The following CPLX1 variants were observed in gnomAD, a reference collection of about 807,000 sequenced individuals.
CPLX1 encodes complexin-1.
CPLX1 carries 6 observed loss-of-function variants against 15.6 expected under a neutral mutation model. The ratio of observed to expected loss-of-function variants is 0.39; its 90% confidence interval spans 0.21 to 0.76. The LOEUF (loss-of-function observed/expected upper bound fraction) is 0.76, where lower values mean the gene tolerates loss of function less well. CPLX1 is among the 30% of genes least tolerant of loss of function. The pLI is 0.43. For synonymous variants in CPLX1, 91 were observed against 75.2 expected, an observed-to-expected ratio of 1.21 and a Z score of -1.08; for missense variants, 242 against 188.6, an observed-to-expected ratio of 1.28 and a Z score of -1.66.
intron 2 of CPLX1, among the ~76,000 whole-genome samples, chr4:794,150 T>A (rs1746266134): frequency 6.6e-6 from 1 of 152,264 alleles, no homozygotes; most frequent in Admixed American, 6.5e-5. Flanking sequence ...AGCTGTCATT[T>A]GGAAGGCCCG....
chr4:788,689 G>A (rs987543792), intron 3 of CPLX1, among the ~76,000 whole-genome samples: 3 of 152,230 alleles, frequency 2.0e-5, no homozygotes, highest in Non-Finnish European at 2.9e-5. Flanking sequence ...GAGGGAGCAT[G>A]TGCTCTTCGT....
chr4:807,130 A>C (rs552404967), intron 2 of CPLX1, among the ~76,000 whole-genome samples: 4 of 152,262 alleles, frequency 2.6e-5, no homozygotes, highest in Non-Finnish European at 5.9e-5. Flanking sequence ...TACAACATGG[A>C]ATACTACACA....
At position 812,866 on chromosome 4, in the gene CPLX1, C is replaced by T. The variant is rs374200330; in HGVS notation, c.31+11626G>A. ...GTCCTAACGCTGGCCGTCCTAATGCCAGGCACCCTTACAAATGATAGTGTA... is the reference window on the plus strand; with the variant it reads ...GTCCTAACGCTGGCCGTCCTAATGCTAGGCACCCTTACAAATGATAGTGTA... On this transcript the variant is annotated intron_variant, in intron 2 of 3. Coordinates refer to ENST00000304062, the MANE Select transcript of CPLX1 (RefSeq NM_006651.4). Among the ~76,000 whole-genome samples, 305 of 152,282 alleles carry T rather than the reference C, an allele frequency of 2.0e-3. 8 individuals carry two copies. In the South Asian group the frequency reaches 0.06, roughly 30 times the overall value.
intron 2 of CPLX1, 70 bp downstream of exon 2, chr4:824,422 G>A: frequency 7.2e-7 from 1 of 1,396,940 alleles, no homozygotes; most frequent in Non-Finnish European, 1.0e-6. Flanking sequence ...TGGGCCAGAT[G>A]AGGAGCAGCT....
intron 2 of CPLX1, among the ~76,000 whole-genome samples, chr4:816,921 C>A (rs909663943): frequency 5.3e-5 from 8 of 152,192 alleles, no homozygotes; most frequent in African/African-American, 1.9e-4. Context: ...TACACTGCAT[C>A]ATTTTCAACT....
chr4:798,715 C>T (rs1233153885), intron 2 of CPLX1, among the ~76,000 whole-genome samples: 3 of 152,268 alleles, frequency 2.0e-5, no homozygotes, highest in Admixed American at 1.3e-4. Flanking sequence ...CTTTCAGAAG[C>T]GCACTGGCTC....
intron 2 of CPLX1, among the ~76,000 whole-genome samples, chr4:803,626 C>G (rs1250058795): frequency 6.6e-6 from 1 of 151,236 alleles, no homozygotes; most frequent in African/African-American, 2.4e-5. Context: ...ACCTCGTGAT[C>G]TGCCCGCCTC....
intron 3 of CPLX1, chr4:787,682 G>A (rs1436791367): frequency 2.0e-6 from 2 of 984,938 alleles, no homozygotes; most frequent in African/African-American, 1.7e-5. Flanking sequence ...CAGAGGGAGT[G>A]TGGGATTTTG....
At chr4:787,519 G>A in intron 3 of CPLX1, 1 of 643,194 alleles carries the variant, frequency 1.6e-6, no homozygotes, top group Non-Finnish European at 1.9e-6. Context: ...CTCAAGTCCA[G>A]TGAGAGTGTC....
chr4:802,645 A>C (rs904454411), intron 2 of CPLX1, among the ~76,000 whole-genome samples: 4 of 152,228 alleles, frequency 2.6e-5, no homozygotes, highest in African/African-American at 9.6e-5. Context: ...ATAAAAACTG[A>C]AAGTGTAAAA....
rs1338068923 is a variant in CPLX1, at chr4:824,598, CT to C, written c.-77del. 1 of 1,520,244 alleles carries C rather than the reference CT, an allele frequency of 6.6e-7. No homozygotes were observed. Among genetic ancestry groups the C allele is most frequent in the Non-Finnish European group, 9.1e-7 (1 of 1,096,084 alleles). The allele number at this position is 1,520,244 out of a possible 1,614,324, so 94.2% of individuals were successfully genotyped here. ...GCAAGTATGGCCGGGAGCGAGTGTT[CT>C]TCCTGGGGGAGAGTGAAGTGGTCAC... On this transcript the variant is annotated splice_region_variant and 5_prime_UTR_variant, in exon 2 of 4. Coordinates refer to ENST00000304062, the MANE Select transcript of CPLX1 (RefSeq NM_006651.4).
At chr4:812,563 T>C (rs1746682910) in intron 2 of CPLX1, among the ~76,000 whole-genome samples, 1 of 152,202 alleles carries the variant, frequency 6.6e-6, no homozygotes, top group African/African-American at 2.4e-5. Context: ...GGGGAAATTA[T>C]CTTCAGACAG....
In CPLX1 at chr4:785,167, G is replaced by A. The variant is rs1745941201; in HGVS notation, c.*1334C>T. 1 of 152,344 alleles carries A rather than the reference G, an allele frequency of 6.6e-6. No individual in the cohort carries two copies. The highest frequency in any genetic ancestry group is 2.4e-5 in the African/African-American group (1 of 41,468). 9.4% of individuals were successfully genotyped at this position (152,344 alleles called of 1,614,324 possible). On this transcript the variant is annotated 3_prime_UTR_variant, in exon 4 of 4. Transcript: ENST00000304062. ...GTCTGCTCAGAGCTGGCTTTGTAAG[G>A]TGTGAAAACAGGAGTTTTTAAAAGA...
chr4:786,716 G>T lies in CPLX1; in HGVS notation c.208-18C>A. Reference sequence around the variant, plus strand: ...ATGCCGTACTGCGGGGGAGGCGGGGGTCAGGGCGGGGGTCCCGGCGGCTCC... The same window carrying T: ...ATGCCGTACTGCGGGGGAGGCGGGGTTCAGGGCGGGGGTCCCGGCGGCTCC... On this transcript the variant is annotated intron_variant, in intron 3 of 3. Transcript: ENST00000304062. 6.3e-7 allele frequency: 1 copy of T among 1,577,994 alleles called. No individual in the cohort carries two copies. Among genetic ancestry groups the T allele is most frequent in the South Asian group, 1.2e-5 (1 of 86,534 alleles).
intron 2 of CPLX1, among the ~76,000 whole-genome samples, chr4:805,083 C>T (rs754205760): frequency 2.6e-5 from 4 of 152,194 alleles, no homozygotes; most frequent in South Asian, 2.1e-4. Flanking sequence ...ATATCTTGGG[C>T]GTGTGGCCAT....
At chr4:794,746 G>A (rs913230798) in intron 2 of CPLX1, among the ~76,000 whole-genome samples, 5 of 152,236 alleles carry the variant, frequency 3.3e-5, no homozygotes, top group African/African-American at 1.2e-4. Context: ...AAGGAGGTGG[G>A]TGAGCCTGGT....
Position 785,981 on chromosome 4 carries a change from G to C in CPLX1, c.*520C>G, listed in dbSNP as rs1745971903. ...CGGACAGAGACGGATGGACAGGGGC[G>C]CGAGGGGGCCAGGCCGGGGGGCGGA... On this transcript the variant is annotated 3_prime_UTR_variant, in exon 4 of 4. Coordinates refer to ENST00000304062, the MANE Select transcript of CPLX1 (RefSeq NM_006651.4). 1 of 152,210 alleles carries C rather than the reference G, an allele frequency of 6.6e-6. No individual in the cohort carries two copies. The allele number at this position is 152,210 out of a possible 1,614,324, so 9.4% of individuals were successfully genotyped here.
intron 2 of CPLX1, among the ~76,000 whole-genome samples, chr4:815,864 T>G (rs905203202): frequency 6.6e-6 from 1 of 152,194 alleles, no homozygotes; most frequent in Non-Finnish European, 1.5e-5. Flanking sequence ...CACTTCCAAC[T>G]CTGTAACTTG....
chr4:795,323 A>C (rs1746299724), intron 2 of CPLX1, among the ~76,000 whole-genome samples: 1 of 152,200 alleles, frequency 6.6e-6, no homozygotes, highest in African/African-American at 2.4e-5. Context: ...GGCCCCGAGC[A>C]CTGCTGCGAC....
Sources: allele counts gnomAD v4.1 joint callset (sites outside exome capture counted in the v4.1 genomes callset), GRCh38; gene constraint gnomAD v4.1.1; transcripts MANE v1.5; gene names NCBI Gene and HGNC (gene_info 2026-07-23, HGNC 2026-07-21).